Variants in ZNF618 observed in about 807,000 individuals in gnomAD.
ZNF618 encodes the protein zinc finger protein 618.
Under a neutral mutation model 103.0 loss-of-function variants are expected in ZNF618, and 34 were observed. The observed-to-expected ratio is 0.33, with a 90% CI of 0.25 to 0.44. ZNF618 has a LOEUF of 0.44. Among genes scored for constraint, ZNF618 ranks in the 20% least tolerant of loss-of-function variants. The pLI is 1.00. For synonymous variants in ZNF618, 551 were observed against 542.2 expected, an observed-to-expected ratio of 1.02 and a Z score of -0.23; for missense variants, 1,059 against 1,295.4, an observed-to-expected ratio of 0.82 and a Z score of 2.80.
chr9:114,033,796 T>C lies in ZNF618; in HGVS notation c.1168+1068T>C, dbSNP rs539207228. On this transcript the variant is annotated intron_variant, in intron 12 of 14. Coordinates refer to ENST00000374126, the MANE Select transcript of ZNF618 (RefSeq NM_001318042.2). The stretch of plus-strand genomic sequence containing the variant: ...CACTCACTTTCTTGCATGGTTGAAA[T>C]TTAATTCACTACATATTAGGTGTCA... Among the ~76,000 whole-genome samples, 29 of 152,278 alleles carry C rather than the reference T, an allele frequency of 1.9e-4. No homozygotes were observed. In the South Asian group the frequency reaches 4.8e-3, roughly 25 times the overall value.
chr9:113,961,164 TC>T (rs1265085660), intron 1 of ZNF618, among the ~76,000 whole-genome samples: 1 of 152,184 alleles, frequency 6.6e-6, no homozygotes, highest in Non-Finnish European at 1.5e-5. Flanking sequence ...TAGAAGCTCT[TC>T]CTGACCCTGA....
Position 114,016,263 on chromosome 9 carries a change from G to A in ZNF618, c.755-432G>A, listed in dbSNP as rs544833946. On this transcript the variant is annotated intron_variant, in intron 9 of 14. Transcript: ENST00000374126. ...GCTTGGGGGCAGGGAAGGTCCTGGA[G>A]ATGAGGGGACCCCGGGTGTGGCCAC... 1.0e-5 allele frequency: 12 copies of A among 1,188,450 alleles called. No homozygotes were observed. The South Asian group carries it at 1.6e-4, about 16-fold the overall frequency. The allele number at this position is 1,188,450 out of a possible 1,614,324, so 73.6% of individuals were successfully genotyped here.
chr9:113,893,805 G>C (rs924280410), intron 1 of ZNF618, among the ~76,000 whole-genome samples: 1 of 151,902 alleles, frequency 6.6e-6, no homozygotes. Flanking sequence ...TTTTGATACA[G>C]TCCCAACGAG....
intron 1 of ZNF618, among the ~76,000 whole-genome samples, chr9:113,952,616 C>T (rs1461072643): frequency 6.6e-6 from 1 of 152,170 alleles, no homozygotes; most frequent in African/African-American, 2.4e-5. Context: ...AAGTCCAGGC[C>T]CTGCTGCTAA....
chr9:113,952,807 T>C (rs2132367120), intron 1 of ZNF618, among the ~76,000 whole-genome samples: 1 of 152,336 alleles, frequency 6.6e-6, no homozygotes, highest in South Asian at 2.1e-4. Flanking sequence ...CACATTCACA[T>C]TCCAGACTTG....
chr9:113,912,158 A>C (rs1831612662), intron 1 of ZNF618, among the ~76,000 whole-genome samples: 2 of 152,140 alleles, frequency 1.3e-5, no homozygotes, highest in African/African-American at 4.8e-5. Context: ...GAGGCTAAGG[A>C]GATTGGAGGA....
chr9:114,031,425 C>CG (rs1032141105), intron 11 of ZNF618, among the ~76,000 whole-genome samples: 6 of 152,254 alleles, frequency 3.9e-5, no homozygotes, highest in Non-Finnish European at 7.4e-5. Context: ...TGACAGGGGT[C>CG]GGGGGGAGGT....
chr9:113,948,519 A>C (rs982510012), intron 1 of ZNF618, among the ~76,000 whole-genome samples: 4 of 152,252 alleles, frequency 2.6e-5, no homozygotes, highest in Middle Eastern at 3.2e-3. Context: ...GGGAGTTAGA[A>C]GGCTCTAGAA....
intron 2 of ZNF618, among the ~76,000 whole-genome samples, chr9:113,977,675 T>G (rs1274711972): frequency 6.6e-6 from 1 of 152,178 alleles, no homozygotes; most frequent in East Asian, 1.9e-4. Context: ...CCAGACCCAT[T>G]GGTAAACGAA....
At chr9:113,953,917 T>C (rs10982016) in intron 1 of ZNF618, among the ~76,000 whole-genome samples, 15 of 152,240 alleles carry the variant, frequency 9.9e-5, no homozygotes, top group Non-Finnish European at 1.6e-4. Context: ...ATCTTTTGAA[T>C]AGTCCAGGCA....
At position 113,972,263 on chromosome 9, in the gene ZNF618, G is replaced by GACA. The variant is rs1382413781; in HGVS notation, c.77+3103_77+3104insACA. Among the ~76,000 whole-genome samples the GACA allele has an allele frequency of 5.2e-3, 788 of 152,204 alleles. 6 individuals carry two copies. Among genetic ancestry groups the GACA allele is most frequent in the African/African-American group, 0.018 (767 of 41,532 alleles). ...GGGGTTTCACTGTGTTGCCCAGGCTGGTCTCAAACTCCTGAGTTCTAGTGA... is the reference window on the plus strand; with the variant it reads ...GGGGTTTCACTGTGTTGCCCAGGCTGACAGTCTCAAACTCCTGAGTTCTAGTGA... On this transcript the variant is annotated intron_variant, in intron 2 of 14. Coordinates refer to ENST00000374126, the MANE Select transcript of ZNF618 (RefSeq NM_001318042.2).
chr9:114,026,203 A>C (rs1434707155), intron 10 of ZNF618, among the ~76,000 whole-genome samples: 1 of 152,226 alleles, frequency 6.6e-6, no homozygotes, highest in Non-Finnish European at 1.5e-5. Flanking sequence ...GCATGCACAA[A>C]GGCTATGAGC....
intron 9 of ZNF618, among the ~76,000 whole-genome samples, chr9:114,015,748 C>T (rs143698453): frequency 5.9e-5 from 9 of 152,256 alleles, no homozygotes; most frequent in African/African-American, 2.2e-4. Context: ...TTTCAATGTC[C>T]CTTGGTGTAG....
At chr9:113,879,223 T>C (rs2130756014) in intron 1 of ZNF618, among the ~76,000 whole-genome samples, 2 of 151,922 alleles carry the variant, frequency 1.3e-5, no homozygotes, top group Admixed American at 1.3e-4. Flanking sequence ...AGATAACAGG[T>C]TATTTCTGGT....
chr9:113,885,395 C>T (rs1564127403), intron 1 of ZNF618, among the ~76,000 whole-genome samples: 2 of 152,182 alleles, frequency 1.3e-5, no homozygotes, highest in African/African-American at 2.4e-5. Context: ...TTTAAATACA[C>T]GTTACTTTTT....
intron 2 of ZNF618, among the ~76,000 whole-genome samples, chr9:113,974,021 T>C (rs1427289709): frequency 4.6e-5 from 7 of 152,250 alleles, no homozygotes; most frequent in Non-Finnish European, 1.0e-4. Flanking sequence ...GCTAAGTGCT[T>C]GGCACTGACC....
chr9:114,010,682 G>A (rs181574814), intron 9 of ZNF618, among the ~76,000 whole-genome samples: 5 of 152,350 alleles, frequency 3.3e-5, no homozygotes, highest in Non-Finnish European at 7.3e-5. Context: ...CCAGCCTGGT[G>A]ACAGAGCAAG....
At chr9:113,906,162 T>C (rs1385421156) in intron 1 of ZNF618, among the ~76,000 whole-genome samples, 1 of 152,154 alleles carries the variant, frequency 6.6e-6, no homozygotes, top group African/African-American at 2.4e-5. Flanking sequence ...GAAGAGGCAT[T>C]GTGGGGTCAT....
intron 1 of ZNF618, among the ~76,000 whole-genome samples, chr9:113,952,371 T>C (rs551380626): frequency 6.6e-6 from 1 of 152,340 alleles, no homozygotes; most frequent in South Asian, 2.1e-4. Flanking sequence ...ATCTGTCCTT[T>C]TGCTCAAAAT....
Sources: gnomAD v4.1 joint callset for allele counts (sites outside exome capture counted in the v4.1 genomes callset) on GRCh38, gnomAD v4.1.1 for gene constraint, MANE v1.5 for transcripts, NCBI Gene and HGNC (gene_info 2026-07-23, HGNC 2026-07-21) for gene names.